Variants in ZMYND8 observed in about 807,000 individuals in gnomAD.
ZMYND8 encodes the protein zinc finger MYND-type containing 8.
Under a neutral mutation model 140.8 loss-of-function variants are expected in ZMYND8, and 37 were observed. The ratio of observed to expected loss-of-function variants is 0.26; its 90% CI spans 0.20 to 0.35. ZMYND8 has a LOEUF of 0.35. Ranked by LOEUF, ZMYND8 falls within the 10% of genes least tolerant of loss-of-function variation. The pLI is 1.00. For synonymous variants in ZMYND8, 592 were observed against 597.1 expected (o/e 0.99, Z 0.12); for missense variants, 1,068 against 1,570.0 (o/e 0.68, Z 5.40).
chr20:47,278,829 G>T (rs1024215733), intron 10 of ZMYND8, among the ~76,000 whole-genome samples: 2 of 152,020 alleles, frequency 1.3e-5, no homozygotes, highest in Non-Finnish European at 2.9e-5. Context: ...GAGATTCTGC[G>T]TTCAAAGTGA....
rs1382553338 is a variant in ZMYND8, at chr20:47,220,322, G to T, written c.3420C>A (p.Thr1140=). Residue 1140 remains threonine, a splice_region_variant and synonymous_variant, in exon 21 of 23, where the codon ACC becomes ACA. Coordinates refer to ENST00000471951, the MANE Select transcript of ZMYND8 (RefSeq NM_001281775.3). ...SAEKSKESGS[T]LDLSGSRETP... The stretch of plus-strand genomic sequence containing the variant: ...TCTCTCTGGAGCCAGAAAGGTCAAG[G>T]GTCTAGAAATACAAAAAGAAAAAGA... The T allele has an allele frequency of 6.4e-7, 1 of 1,557,294 alleles. No individual in the cohort carries two copies. The highest frequency in any genetic ancestry group is 8.7e-7 in the Non-Finnish European group (1 of 1,149,850).
chr20:47,298,568 C>T lies in ZMYND8; in HGVS notation c.453+161G>A. 1.4e-6 allele frequency: 2 copies of T among 1,450,554 alleles called. No individual in the cohort carries two copies. Among genetic ancestry groups the T allele is most frequent in the Admixed American group, 2.7e-5 (1 of 37,606 alleles). 89.9% of individuals were successfully genotyped at this position (1,450,554 alleles called of 1,614,324 possible). The stretch of plus-strand genomic sequence containing the variant: ...AAGAGCTGCAGTACTGCAGCCACTG[C>T]CGGTGTTGGTCAAGAAGGGGGTGAC... On this transcript the variant is annotated intron_variant, in intron 4 of 22. Transcript: ENST00000471951. This position sits in a 1 kb window ranked among gnomAD's most constrained non-coding sequence, Gnocchi z 5.0.
intron 2 of ZMYND8, among the ~76,000 whole-genome samples, chr20:47,324,182 C>G (rs1029421723): frequency 2.2e-5 from 3 of 133,338 alleles, no homozygotes; most frequent in African/African-American, 9.0e-5. Flanking sequence ...AACCTGGGCG[C>G]CAGAGCGAGA....
intron 3 of ZMYND8, among the ~76,000 whole-genome samples, chr20:47,301,125 G>A (rs1156286987): frequency 6.6e-6 from 1 of 151,078 alleles, no homozygotes; most frequent in Non-Finnish European, 1.5e-5. Flanking sequence ...AAAGTAAGTA[G>A]CTAATACTTA....
intron 6 of ZMYND8, among the ~76,000 whole-genome samples, chr20:47,291,170 G>A (rs2077240544): frequency 6.6e-6 from 1 of 152,172 alleles, no homozygotes; most frequent in South Asian, 2.1e-4. Context: ...TTTATGGTTT[G>A]GGAGTTATTG....
At chr20:47,339,352 G>C (rs1339941321) in intron 2 of ZMYND8, among the ~76,000 whole-genome samples, 1 of 152,142 alleles carries the variant, frequency 6.6e-6, no homozygotes, top group East Asian at 1.9e-4. Context: ...CTTCTTCCTA[G>C]AGGCTGCAAG....
chr20:47,231,226 C>A (rs920141691), intron 16 of ZMYND8, among the ~76,000 whole-genome samples: 1 of 152,152 alleles, frequency 6.6e-6, no homozygotes, highest in African/African-American at 2.4e-5. Flanking sequence ...TGACTCTTCC[C>A]CCATTACAGC....
rs747163723 is a variant in ZMYND8 at position 47,224,565 on chromosome 20, G to A, written c.3017-9C>T. ...CTCCGCCATGGTCAGCTCTGGTGGA[G>A]GAGGGGAAGAACACCGCTCATCACC... On this transcript the variant is annotated splice_polypyrimidine_tract_variant and intron_variant, in intron 18 of 22. Transcript: ENST00000471951. 3 of 1,612,152 alleles carry A rather than the reference G, an allele frequency of 1.9e-6. No individual in the cohort carries two copies. The highest frequency in any genetic ancestry group is 1.7e-5 in the Admixed American group (1 of 60,008).
chr20:47,285,669 C>A lies in ZMYND8; in HGVS notation c.804+1560G>T, dbSNP rs1049830175. The stretch of plus-strand genomic sequence containing the variant: ...TTCCTAAAAATTAAACTAAGGAAAT[C>A]ATCAAATGCGCAATGATATTCATCA... On this transcript the variant is annotated intron_variant, in intron 8 of 22. Coordinates refer to ENST00000471951, the MANE Select transcript of ZMYND8 (RefSeq NM_001281775.3). The A allele has an allele frequency of 2.5e-5, 25 of 984,960 alleles. No individual in the cohort carries two copies. In the Admixed American group the frequency reaches 1.2e-3, roughly 48 times the overall value. 61.0% of individuals were successfully genotyped at this position (984,960 alleles called of 1,614,324 possible).
At chr20:47,288,392 C>CTTTTT (rs11411701) in intron 7 of ZMYND8, among the ~76,000 whole-genome samples, 10 of 123,286 alleles carry the variant, frequency 8.1e-5, no homozygotes, top group African/African-American at 1.2e-4. Context: ...TACACCAATT[C>CTTTTT]TTTTTTTTTT....
intron 20 of ZMYND8, among the ~76,000 whole-genome samples, chr20:47,220,940 T>A (rs1270002525): frequency 6.6e-6 from 1 of 152,010 alleles, no homozygotes; most frequent in East Asian, 1.9e-4. Context: ...CTCAATTAAT[T>A]AAAATTAAAT....
intron 2 of ZMYND8, among the ~76,000 whole-genome samples, chr20:47,332,441 G>A (rs1365143830): frequency 6.6e-6 from 1 of 152,168 alleles, no homozygotes; most frequent in African/African-American, 2.4e-5. Flanking sequence ...CAAGCATGGT[G>A]GATCACACCT....
At chr20:47,335,298 A>G (rs1283862302) in intron 2 of ZMYND8, among the ~76,000 whole-genome samples, 2 of 152,060 alleles carry the variant, frequency 1.3e-5, no homozygotes, top group Non-Finnish European at 2.9e-5. Context: ...ATTATATGTC[A>G]ATAAAGGTAT....
intron 2 of ZMYND8, 145 bp downstream of exon 2, chr20:47,347,711 C>T: frequency 1.3e-6 from 1 of 776,312 alleles, no homozygotes; most frequent in East Asian, 2.5e-5. Flanking sequence ...TTAGGTTCAT[C>T]CATCAAAAAA....
At chr20:47,340,372 G>C (rs115411234) in intron 2 of ZMYND8, among the ~76,000 whole-genome samples, 1,869 of 152,022 alleles carry the variant, frequency 0.012, 47 homozygotes, top group African/African-American at 0.042. Context: ...CCAGCTACTC[G>C]GGAGGCTGAA....
At chr20:47,332,737 A>C (rs983966632) in intron 2 of ZMYND8, among the ~76,000 whole-genome samples, 1 of 152,082 alleles carries the variant, frequency 6.6e-6, no homozygotes, top group African/African-American at 2.4e-5. Flanking sequence ...CAACACAAAA[A>C]ATTTAAATGT....
intron 19 of ZMYND8, among the ~76,000 whole-genome samples, chr20:47,223,826 CAAAA>C (rs750139299): frequency 9.4e-6 from 1 of 106,208 alleles, no homozygotes; most frequent in African/African-American, 3.3e-5. Flanking sequence ...AACTCTGTCT[CAAAA>C]AAAAAAAAAA....
At chr20:47,339,003 C>T (rs1261381747) in intron 2 of ZMYND8, among the ~76,000 whole-genome samples, 2 of 148,022 alleles carry the variant, frequency 1.4e-5, no homozygotes, top group African/African-American at 2.5e-5. Flanking sequence ...GACAGAGTCT[C>T]GCTCTGTCAC....
At chr20:47,290,591 TTTTTTTTTTTTTTTTTGGAGGTGGAG>T (rs2077196058) in intron 6 of ZMYND8, among the ~76,000 whole-genome samples, 1 of 142,760 alleles carries the variant, frequency 7.0e-6, no homozygotes, top group Non-Finnish European at 1.5e-5. Context: ...TAGTTTTTTT[TTTTTTTTTTTTTTTTTGGAGGTGGAG>T]TTTTGCTCTT....
Sources: gnomAD v4.1 joint callset for allele counts (sites outside exome capture counted in the v4.1 genomes callset) on GRCh38, gnomAD v4.1.1 for gene constraint, Gnocchi (gnomAD v3.1) non-coding constraint, MANE v1.5 for transcripts, NCBI Gene and HGNC (gene_info 2026-07-23, HGNC 2026-07-21) for gene names.